The following TMEM266 variants were observed in gnomAD, a reference collection of about 807,000 sequenced individuals.
TMEM266 encodes the protein Hv1 related protein 1.
In TMEM266, 33 loss-of-function variants were observed where a neutral mutation model predicts 50.5. That is an observed-to-expected ratio of 0.65 (90% CI 0.50 to 0.87). The LOEUF is 0.87. Among genes scored for constraint, TMEM266 ranks in the 40% least tolerant of loss-of-function variants. The pLI is 0.00. For missense variants in TMEM266, 655 were observed against 695.1 expected (o/e 0.94, Z 0.65); for synonymous variants, 310 against 292.3 (o/e 1.06, Z -0.62).
In TMEM266 at chr15:76,160,243, C is replaced by G. The variant is rs1027498691; in HGVS notation, c.456+75C>G. ...CCTGGGGAAACCAAGGTCTACTTCT[C>G]GAAATGGTTTCTAGCATCAGGTCCC... is the stretch of plus-strand genomic sequence containing the variant. On this transcript the variant is annotated intron_variant, in intron 5 of 10. Coordinates refer to ENST00000388942, the MANE Select transcript of TMEM266 (RefSeq NM_152335.3). This position sits in a 1 kb window ranked among gnomAD's most constrained non-coding sequence, Gnocchi z 5.7. 2.8e-6 allele frequency: 4 copies of G among 1,435,202 alleles called. No individual in the cohort carries two copies. The South Asian group carries it at 3.5e-5, about 13-fold the overall frequency. The allele number at this position is 1,435,202 out of a possible 1,614,324, so 88.9% of individuals were successfully genotyped here.
rs1207019793 is a variant in TMEM266, at chr15:76,153,202, G to A, written c.228-3402G>A. On this transcript the variant is annotated intron_variant, in intron 3 of 10. Transcript: ENST00000388942. This position sits in a 1 kb window ranked among gnomAD's most constrained non-coding sequence, Gnocchi z 4.2. Reference sequence around the variant, plus strand: ...TAAATTGGCTTTTCCTCCCTTGGAGGCAGGTCAAGGTCTGAGTCTCCTGTT... The same window carrying A: ...TAAATTGGCTTTTCCTCCCTTGGAGACAGGTCAAGGTCTGAGTCTCCTGTT... 6.6e-6 allele frequency among the ~76,000 whole-genome samples: 1 copy of A among 152,180 alleles called. No homozygotes were observed. Among genetic ancestry groups the A allele is most frequent in the Non-Finnish European group, 1.5e-5 (1 of 68,040 alleles).
intron 6 of TMEM266, among the ~76,000 whole-genome samples, chr15:76,170,117 A>G (rs936183535): frequency 6.6e-6 from 1 of 150,532 alleles, no homozygotes; most frequent in Non-Finnish European, 1.5e-5. Flanking sequence ...AAGTTCTGCA[A>G]AATTTTACAA....
At position 76,160,121 on chromosome 15, in the gene TMEM266, G is replaced by A. The variant is rs369743897; in HGVS notation, c.409G>A (p.Val137Met). 85 of 1,614,056 alleles carry A rather than the reference G, an allele frequency of 5.3e-5. No individual in the cohort carries two copies. Among genetic ancestry groups the A allele is most frequent in the African/African-American group, 3.7e-4 (28 of 74,924 alleles). Residue 137 changes from valine to methionine, a missense_variant, in exon 5 of 11, where the codon GTG becomes ATG. Transcript: ENST00000388942. The surrounding 1 kb of genome is among the most constrained non-coding windows in gnomAD (Gnocchi z 5.7). ...TTCCAGCGCATTCCAGTTTGCTGGCGTGATTCACTGGATCAGCCTGGTCAT... is the reference window on the plus strand; with the variant it reads ...TTCCAGCGCATTCCAGTTTGCTGGCATGATTCACTGGATCAGCCTGGTCAT...
intron 5 of TMEM266, among the ~76,000 whole-genome samples, chr15:76,166,457 C>T (rs1180570855): frequency 6.7e-6 from 1 of 148,920 alleles, no homozygotes; most frequent in Non-Finnish European, 1.5e-5. Flanking sequence ...GAGGATGGGT[C>T]CCCTGCGGAT....
intron 3 of TMEM266, among the ~76,000 whole-genome samples, chr15:76,140,131 C>A (rs2037654579): frequency 6.6e-6 from 1 of 152,226 alleles, no homozygotes; most frequent in South Asian, 2.1e-4. Context: ...ATTTGAATCT[C>A]CAGGTGTGCC....
intron 1 of TMEM266, chr15:76,112,142 G>A (rs1194691798): frequency 1.3e-5 from 2 of 152,224 alleles, no homozygotes; most frequent in Admixed American, 1.3e-4. Context: ...GAGGAGGGAG[G>A]GAGGAATGAA....
At chr15:76,130,671 A>G (rs551090769) in intron 1 of TMEM266, among the ~76,000 whole-genome samples, 1 of 152,378 alleles carries the variant, frequency 6.6e-6, no homozygotes. Flanking sequence ...GATTTATTCC[A>G]AAACAGTCAT....
chr15:76,108,565 C>T (rs2037121279), intron 1 of TMEM266, among the ~76,000 whole-genome samples: 1 of 152,126 alleles, frequency 6.6e-6, no homozygotes. Context: ...GCTGCTGGAC[C>T]CGGGACCGCA....
rs139682243 is a variant in TMEM266 at position 76,168,958 on chromosome 15, A to G, written c.457-858A>G. Among the ~76,000 whole-genome samples, 865 of 152,328 alleles carry G rather than the reference A, an allele frequency of 5.7e-3. 3 individuals are homozygous for G. Among genetic ancestry groups the G allele is most frequent in the Non-Finnish European group, 9.0e-3 (611 of 68,028 alleles). ...CCAAGCTGCTGTTACAAGAAAACCA[A>G]AATACAGGGGCTTAAACAAGGCAAG... On this transcript the variant is annotated intron_variant, in intron 5 of 10. Transcript: ENST00000388942. The surrounding 1 kb of genome is among the most constrained non-coding windows in gnomAD (Gnocchi z 4.4).
Position 76,093,027 on chromosome 15 carries a change from C to T in TMEM266, c.-97+33011C>T, listed in dbSNP as rs561579042. Among the ~76,000 whole-genome samples the T allele has an allele frequency of 7.9e-5, 12 of 151,522 alleles. No homozygotes were observed. In the East Asian group the frequency reaches 9.7e-4, roughly 12 times the overall value. On this transcript the variant is annotated intron_variant, in intron 1 of 10. Coordinates refer to ENST00000388942, the MANE Select transcript of TMEM266 (RefSeq NM_152335.3). ...TTCACCATATTGGTCAGGCTGGTCTCGAACTCCTGACCTCGTGATCCACCC... is the reference window on the plus strand; with the variant it reads ...TTCACCATATTGGTCAGGCTGGTCTTGAACTCCTGACCTCGTGATCCACCC...
Position 76,160,198 on chromosome 15 carries a change from C to T in TMEM266, c.456+30C>T, listed in dbSNP as rs2142050539. ...GTGGAGACTCTGGCCCTGTCACCTC[C>T]TCTGTTGGGTGACTCCTGTCCTGGG... On this transcript the variant is annotated intron_variant, in intron 5 of 10. Coordinates refer to ENST00000388942, the MANE Select transcript of TMEM266 (RefSeq NM_152335.3). This position sits in a 1 kb window ranked among gnomAD's most constrained non-coding sequence, Gnocchi z 5.7. 6.3e-7 allele frequency: 1 copy of T among 1,594,032 alleles called. No individual in the cohort carries two copies. Among genetic ancestry groups the T allele is most frequent in the Middle Eastern group, 1.7e-4 (1 of 6,022 alleles).
At chr15:76,148,164 G>A (rs2037785512) in intron 3 of TMEM266, among the ~76,000 whole-genome samples, 1 of 152,198 alleles carries the variant, frequency 6.6e-6, no homozygotes, top group Non-Finnish European at 1.5e-5. Context: ...GAGAGGGGAG[G>A]AAAGTTTAAA....
chr15:76,121,801 A>C (rs780144132), intron 1 of TMEM266, among the ~76,000 whole-genome samples: 1 of 152,220 alleles, frequency 6.6e-6, no homozygotes, highest in Non-Finnish European at 1.5e-5. Context: ...CATTAGTTAC[A>C]GAAGTTTACA....
rs1387797398 is a variant in TMEM266 at position 76,139,850 on chromosome 15, CT to C, written c.227+1956del. Reference sequence around the variant, plus strand: ...GCAAAGCAGTGTCCACATGTGCCCCCTGTGCGTGTTACGGCACCGCGGGTGG... The same window carrying C: ...GCAAAGCAGTGTCCACATGTGCCCCCGTGCGTGTTACGGCACCGCGGGTGG... On this transcript the variant is annotated intron_variant, in intron 3 of 10. Coordinates refer to ENST00000388942, the MANE Select transcript of TMEM266 (RefSeq NM_152335.3). The surrounding 1 kb of genome is among the most constrained non-coding windows in gnomAD (Gnocchi z 4.1). Among the ~76,000 whole-genome samples, 1 of 152,242 alleles carries C rather than the reference CT, an allele frequency of 6.6e-6. No individual in the cohort carries two copies. Among genetic ancestry groups the C allele is most frequent in the African/African-American group, 2.4e-5 (1 of 41,470 alleles).
chr15:76,169,971 G>GAACCAGCCTT, intron 6 of TMEM266, 99 bp downstream of exon 6: 5 of 1,347,224 alleles, frequency 3.7e-6, no homozygotes, highest in African/African-American at 1.4e-5. Context: ...CATCAAGAAG[G>GAACCAGCCTT]CTGGTTCCTT....
At chr15:76,154,049 C>T (rs905180281) in intron 3 of TMEM266, among the ~76,000 whole-genome samples, 1 of 152,154 alleles carries the variant, frequency 6.6e-6, no homozygotes, top group African/African-American at 2.4e-5. Flanking sequence ...GCCTGCATCC[C>T]AGGGTTCCCA....
chr15:76,082,833 G>A (rs1040278095), intron 1 of TMEM266, among the ~76,000 whole-genome samples: 1 of 152,170 alleles, frequency 6.6e-6, no homozygotes. Context: ...GCTAGGCGTG[G>A]TGGCCAGCGC....
At chr15:76,103,812 T>C (rs573120062) in intron 1 of TMEM266, among the ~76,000 whole-genome samples, 125 of 151,360 alleles carry the variant, frequency 8.3e-4, no homozygotes, top group African/African-American at 2.6e-3. Flanking sequence ...CTTGGGAGGC[T>C]GAGGCAGGAG....
At chr15:76,068,681 C>T (rs1016316097) in intron 1 of TMEM266, among the ~76,000 whole-genome samples, 2 of 152,226 alleles carry the variant, frequency 1.3e-5, no homozygotes, top group Non-Finnish European at 2.9e-5. Flanking sequence ...AGGTGGCTGT[C>T]TGCAAGCCAG....
Sources: allele counts gnomAD v4.1 joint callset (sites outside exome capture counted in the v4.1 genomes callset), GRCh38; gene constraint gnomAD v4.1.1; non-coding constraint Gnocchi (gnomAD v3.1); transcripts MANE v1.5; gene names NCBI Gene and HGNC (gene_info 2026-07-23, HGNC 2026-07-21).